The following IKBKB variants were observed in gnomAD, a reference collection of about 807,000 sequenced individuals.
The protein encoded by IKBKB is inhibitor of nuclear factor kappa-B kinase subunit beta.
In IKBKB, 42 loss-of-function variants were observed where a neutral mutation model predicts 113.6. The observed-to-expected ratio is 0.37, with a 90% CI of 0.29 to 0.48. The LOEUF is 0.48. Among genes scored for constraint, IKBKB ranks in the 20% least tolerant of loss-of-function variants. IKBKB has a pLI of 0.99. For missense variants in IKBKB, 673 were observed against 939.7 expected, an observed-to-expected ratio of 0.72 and a Z score of 3.71; for synonymous variants, 296 against 361.3, an observed-to-expected ratio of 0.82 and a Z score of 2.05.
intron 2 of IKBKB, among the ~76,000 whole-genome samples, chr8:42,276,077 G>A (rs1447642014): frequency 2.6e-5 from 4 of 152,180 alleles, no homozygotes; most frequent in Admixed American, 2.6e-4. Flanking sequence ...CTGACCTCAG[G>A]TGATCCGCCT....
At chr8:42,271,941 G>A (rs895439158) in intron 1 of IKBKB, 142 bp from the exon 2 acceptor site, 4 of 914,980 alleles carry the variant, frequency 4.4e-6, no homozygotes, top group East Asian at 2.6e-5. Flanking sequence ...CAAACACATT[G>A]GTTTCTTTAC....
At chr8:42,281,591 C>T (rs2130168457) in intron 2 of IKBKB, among the ~76,000 whole-genome samples, 1 of 152,242 alleles carries the variant, frequency 6.6e-6, no homozygotes, top group South Asian at 2.1e-4. Flanking sequence ...TTAGCGTAGA[C>T]CAGGCGATGC....
At chr8:42,276,856 G>A (rs1809219448) in intron 2 of IKBKB, among the ~76,000 whole-genome samples, 2 of 148,394 alleles carry the variant, frequency 1.3e-5, no homozygotes, top group South Asian at 4.3e-4. Context: ...ATCACACCCG[G>A]CTAATTTTTT....
chr8:42,325,720 A>C, intron 19 of IKBKB: 1 of 1,267,244 alleles, frequency 7.9e-7, no homozygotes, highest in South Asian at 1.9e-5. Flanking sequence ...AAGCCTGCAA[A>C]TTAATGTAGG....
chr8:42,325,392 A>C, intron 19 of IKBKB: 1 of 986,026 alleles, frequency 1.0e-6, no homozygotes, highest in Non-Finnish European at 1.2e-6. Context: ...TTTTCTTGTA[A>C]AAGTTCATTA....
intron 4 of IKBKB, among the ~76,000 whole-genome samples, chr8:42,291,897 A>C (rs1186926289): frequency 2.0e-5 from 3 of 152,220 alleles, no homozygotes; most frequent in African/African-American, 4.8e-5. Flanking sequence ...GTGCCACTGC[A>C]TGCCAGCCTG....
At chr8:42,272,054 C>T in intron 1 of IKBKB, 29 bp from the exon 2 acceptor site, 2 of 1,592,050 alleles carry the variant, frequency 1.3e-6, no homozygotes, top group Non-Finnish European at 1.7e-6. Context: ...TAATCCTAAC[C>T]TTTTTTCCCC....
chr8:42,293,159 G>T (rs758755018), intron 4 of IKBKB, among the ~76,000 whole-genome samples: 6 of 152,156 alleles, frequency 3.9e-5, no homozygotes, highest in Non-Finnish European at 8.8e-5. Context: ...GCCTTGCTCA[G>T]AACTGCAGCA....
At chr8:42,271,827 G>T (rs1284310272) in intron 1 of IKBKB, 2 of 547,358 alleles carry the variant, frequency 3.7e-6, no homozygotes, top group African/African-American at 3.9e-5. Flanking sequence ...GGGCAAGGGC[G>T]TGGGCATCGC....
intron 5 of IKBKB, among the ~76,000 whole-genome samples, chr8:42,295,449 G>A (rs753237252): frequency 1.2e-4 from 19 of 152,210 alleles, no homozygotes; most frequent in South Asian, 1.2e-3. Context: ...CACAAGTGCC[G>A]GGCGCAGTGG....
intron 2 of IKBKB, among the ~76,000 whole-genome samples, chr8:42,276,545 A>G (rs1421327137): frequency 6.6e-6 from 1 of 152,020 alleles, no homozygotes; most frequent in Non-Finnish European, 1.5e-5. Context: ...AGTTGTCTCC[A>G]TAGGTTCCAT....
chr8:42,298,121 C>G (rs939348429), intron 5 of IKBKB: 1 of 985,404 alleles, frequency 1.0e-6, no homozygotes, highest in Non-Finnish European at 1.2e-6. Context: ...GCTCATTATC[C>G]TTTGGAAAAC....
chr8:42,312,152 C>A (rs1203967412), intron 8 of IKBKB, among the ~76,000 whole-genome samples: 2 of 152,332 alleles, frequency 1.3e-5, no homozygotes, highest in East Asian at 3.9e-4. Context: ...TCCCAAAGTG[C>A]TGGGATTACA....
At chr8:42,321,985 C>T (rs763668352) in intron 17 of IKBKB, 40 bp downstream of exon 17, 1 of 1,609,100 alleles carries the variant, frequency 6.2e-7, no homozygotes, top group South Asian at 1.1e-5. Context: ...TTCTCCTTAT[C>T]TCATTTATGG....
At chr8:42,280,331 C>T (rs770448129) in intron 2 of IKBKB, among the ~76,000 whole-genome samples, 35 of 152,254 alleles carry the variant, frequency 2.3e-4, no homozygotes, top group South Asian at 6.2e-4. Flanking sequence ...GTCGGGACTC[C>T]CTAAGACCTC....
At chr8:42,298,812 T>C (rs1304222175) in intron 5 of IKBKB, among the ~76,000 whole-genome samples, 1 of 152,050 alleles carries the variant, frequency 6.6e-6, no homozygotes, top group East Asian at 1.9e-4. Context: ...TGTCCAGAAA[T>C]CTGGTTTTCA....
intron 5 of IKBKB, among the ~76,000 whole-genome samples, chr8:42,294,181 G>A (rs974901321): frequency 5.9e-5 from 9 of 152,204 alleles, no homozygotes; most frequent in African/African-American, 2.2e-4. Flanking sequence ...AATCTCCAGG[G>A]TTGTTGGTGC....
At chr8:42,314,524 T>A in intron 9 of IKBKB, 95 bp downstream of exon 9, 1 of 829,088 alleles carries the variant, frequency 1.2e-6, no homozygotes, top group Non-Finnish European at 2.1e-6. Flanking sequence ...CCTGTAATCC[T>A]AACAGTTTGG....
intron 15 of IKBKB, chr8:42,320,165 A>G (rs975060452): frequency 1.9e-5 from 3 of 157,900 alleles, no homozygotes; most frequent in African/African-American, 7.2e-5. Flanking sequence ...TTTTTCCTGG[A>G]CTTATCCTCT....
Sources: allele counts gnomAD v4.1 joint callset (sites outside exome capture counted in the v4.1 genomes callset), GRCh38; gene constraint gnomAD v4.1.1; transcripts MANE v1.5; gene names NCBI Gene and HGNC (gene_info 2026-07-23, HGNC 2026-07-21).